NBEA: variants seen among roughly 807,000 people sequenced by gnomAD.
NBEA encodes the protein neurobeachin, also known as lysosomal-trafficking regulator 2.
Under a neutral mutation model 343.4 loss-of-function variants are expected in NBEA, and 44 were observed. The observed-to-expected ratio is 0.13, with a 90% CI of 0.10 to 0.16. The LOEUF (loss-of-function observed/expected upper bound fraction) is 0.16. Among genes scored for constraint, NBEA ranks in the 10% least tolerant of loss-of-function variants. The pLI, the probability that NBEA is intolerant of heterozygous loss-of-function variation, is 1.00. For missense variants in NBEA, 2,555 were observed against 3,631.3 expected (o/e 0.70, Z 7.62); for synonymous variants, 1,175 against 1,238.7 (o/e 0.95, Z 1.08).
At chr13:35,624,939 T>C (rs987622307) in intron 48 of NBEA, among the ~76,000 whole-genome samples, 8 of 152,054 alleles carry the variant, frequency 5.3e-5, no homozygotes, top group Non-Finnish European at 8.8e-5. Flanking sequence ...AAATATATAT[T>C]TACACAGTAA....
intron 47 of NBEA, among the ~76,000 whole-genome samples, chr13:35,595,171 A>G (rs2769331): frequency 1 from 152,060 of 152,148 alleles, 75,986 homozygotes; most frequent in Non-Finnish European, 1. Context: ...ATTCTCCCAG[A>G]AATTTTCCTC....
chr13:35,384,936 G>A (rs1038907779), intron 38 of NBEA, among the ~76,000 whole-genome samples: 3 of 152,158 alleles, frequency 2.0e-5, no homozygotes, highest in Non-Finnish European at 4.4e-5. Context: ...TTCAGCTGAG[G>A]ATCACCAAAC....
chr13:35,580,600 A>C (rs574999738), intron 45 of NBEA, among the ~76,000 whole-genome samples: 1 of 152,208 alleles, frequency 6.6e-6, no homozygotes, highest in Non-Finnish European at 1.5e-5. Flanking sequence ...AATGTCATCT[A>C]TGACAAAATT....
intron 34 of NBEA, among the ~76,000 whole-genome samples, chr13:35,289,496 A>C (rs1187276417): frequency 6.6e-6 from 1 of 151,868 alleles, no homozygotes; most frequent in Admixed American, 6.6e-5. Flanking sequence ...AAAAACTACC[A>C]ATTAAGATCT....
At chr13:35,321,248 ATGT>A (rs915607973) in intron 36 of NBEA, among the ~76,000 whole-genome samples, 1 of 151,790 alleles carries the variant, frequency 6.6e-6, no homozygotes, top group African/African-American at 2.4e-5. Context: ...TTGGTCTTTA[ATGT>A]TGTTGACCTT....
chr13:35,422,829 T>G (rs959813738), intron 38 of NBEA, among the ~76,000 whole-genome samples: 13 of 152,330 alleles, frequency 8.5e-5, no homozygotes, highest in African/African-American at 2.4e-4. Context: ...GACTTTTTAA[T>G]GATCGCCATT....
At chr13:35,373,072 G>T (rs577752483) in intron 38 of NBEA, among the ~76,000 whole-genome samples, 25 of 152,248 alleles carry the variant, frequency 1.6e-4, no homozygotes, top group African/African-American at 6.0e-4. Flanking sequence ...AGTCCATGGT[G>T]GGAATGTGAG....
rs150973079 is a variant in NBEA at position 35,157,335 on chromosome 13, A to G, written c.2844+65A>G. ...TGCAGTGGATTAAATGGCTACAAAC[A>G]TGCATCTGGTGCCATCTTGTGGGCA... On this transcript the variant is annotated intron_variant, in intron 21 of 58. Coordinates refer to ENST00000379939, the MANE Select transcript of NBEA (RefSeq NM_001385012.1). The G allele has an allele frequency of 2.8e-4, 341 of 1,208,532 alleles. 3 individuals carry two copies. The East Asian group carries it at 8.2e-3, about 29-fold the overall frequency. 74.9% of individuals were successfully genotyped at this position (1,208,532 alleles called of 1,614,324 possible). A position where few individuals can be genotyped will look rare whatever the true frequency, so the allele number is the denominator to read the frequency against.
chr13:35,097,416 A>G (rs1172820326), intron 10 of NBEA, among the ~76,000 whole-genome samples: 1 of 151,902 alleles, frequency 6.6e-6, no homozygotes, highest in African/African-American at 2.4e-5. Context: ...AATTGATACT[A>G]TTTTAATTCA....
chr13:35,180,371 T>C (rs1003688637), intron 28 of NBEA, among the ~76,000 whole-genome samples: 1 of 151,792 alleles, frequency 6.6e-6, no homozygotes, highest in Non-Finnish European at 1.5e-5. Context: ...TTGATACTTA[T>C]TGTTTCCCTG....
chr13:35,009,631 G>T (rs2061420178), intron 1 of NBEA, among the ~76,000 whole-genome samples: 1 of 152,138 alleles, frequency 6.6e-6, no homozygotes, highest in African/African-American at 2.4e-5. Context: ...TTAGAACAGA[G>T]TTGGGAAGCT....
chr13:35,532,892 T>G (rs1310510109), intron 41 of NBEA, among the ~76,000 whole-genome samples: 1 of 149,568 alleles, frequency 6.7e-6, no homozygotes, highest in Non-Finnish European at 1.5e-5. Context: ...ATTTGTTGAG[T>G]TTTTTTTTTC....
At chr13:35,363,988 A>G (rs2040961620) in intron 38 of NBEA, among the ~76,000 whole-genome samples, 1 of 151,930 alleles carries the variant, frequency 6.6e-6, no homozygotes, top group Non-Finnish European at 1.5e-5. Context: ...ACTGGTATAC[A>G]AAGGAATATG....
chr13:35,222,929 G>A (rs1242112210), intron 33 of NBEA, among the ~76,000 whole-genome samples: 1 of 152,106 alleles, frequency 6.6e-6, no homozygotes, highest in Non-Finnish European at 1.5e-5. Flanking sequence ...AGGAATTTGA[G>A]AGTACTAGCC....
chr13:35,646,430 G>A, intron 51 of NBEA, 82 bp downstream of exon 51: 2 of 1,027,228 alleles, frequency 1.9e-6, no homozygotes, highest in South Asian at 2.8e-5. Flanking sequence ...GATTTTAACA[G>A]CATATTTTAA....
chr13:35,066,592 G>A (rs991917057), intron 8 of NBEA, among the ~76,000 whole-genome samples: 15 of 151,648 alleles, frequency 9.9e-5, no homozygotes, highest in African/African-American at 3.1e-4. Flanking sequence ...TATTTTGTCC[G>A]ATATTAGCAC....
chr13:35,172,273 G>A (rs768638927), intron 26 of NBEA, among the ~76,000 whole-genome samples: 13 of 151,690 alleles, frequency 8.6e-5, no homozygotes, highest in East Asian at 1.9e-4. Flanking sequence ...TGTTTGTTTC[G>A]TATTATTTAT....
intron 1 of NBEA, among the ~76,000 whole-genome samples, chr13:34,980,872 C>G (rs1164732119): frequency 6.6e-6 from 1 of 151,970 alleles, no homozygotes; most frequent in African/African-American, 2.4e-5. Flanking sequence ...CTATGTATTT[C>G]TCCTTTTATT....
Position 35,159,642 on chromosome 13 carries a change from A to T in NBEA, c.3471A>T (p.Lys1157Asn). ...LFDKIPKQEE[K>N]LLPELSSNHI... ...ATAAAATACCCAAACAGGAGGAAAAACTACTTCCTGAACTTTCTAGCAATC... is the reference window on the plus strand; with the variant it reads ...ATAAAATACCCAAACAGGAGGAAAATCTACTTCCTGAACTTTCTAGCAATC... The change falls in exon 22 of 59, where the codon AAA (lysine) becomes AAT (asparagine). Residue 1157 changes from lysine (K) to asparagine (N), a missense_variant. By Grantham distance (94) the Lys-to-Asn change is moderately conservative. This residue lies in a region of NBEA where 367 missense variants were observed against 377.5 expected (regional missense o/e 0.97). Coordinates refer to ENST00000379939, the MANE Select transcript of NBEA (RefSeq NM_001385012.1). 1 of 1,611,110 alleles carries T rather than the reference A, an allele frequency of 6.2e-7. No individual in the cohort carries two copies. The highest frequency in any genetic ancestry group is 1.1e-5 in the South Asian group (1 of 90,760).
Sources: gnomAD v4.1 joint callset for allele counts (sites outside exome capture counted in the v4.1 genomes callset) on GRCh38, gnomAD v4.1.1 for gene constraint, gnomAD v4.1.1 regional missense constraint, MANE v1.5 for transcripts, NCBI Gene and HGNC (gene_info 2026-07-23, HGNC 2026-07-21) for gene names.